The following DSC3 variants were observed in gnomAD, a reference collection of about 807,000 sequenced individuals.
DSC3 encodes desmocollin-3.
Under a neutral mutation model 89.5 loss-of-function variants are expected in DSC3, and 97 were observed. The ratio of observed to expected loss-of-function variants is 1.08; its 90% confidence interval spans 0.92 to 1.28. DSC3 has a LOEUF of 1.28. Ranked by LOEUF, DSC3 falls within the 50% of genes most tolerant of loss-of-function variation. The pLI, the probability that DSC3 is intolerant of heterozygous loss-of-function variation, is 0.00. For missense variants in DSC3, 1,199 were observed against 1,085.3 expected (o/e 1.10, Z -1.47); for synonymous variants, 436 against 384.1 (o/e 1.14, Z -1.58).
intron 9 of DSC3, among the ~76,000 whole-genome samples, chr18:31,010,361 T>C (rs1985017544): frequency 6.6e-6 from 1 of 152,126 alleles, no homozygotes; most frequent in African/African-American, 2.4e-5. Context: ...CTGCTGGCAA[T>C]GAGAAATGGA....
intron 12 of DSC3, among the ~76,000 whole-genome samples, chr18:31,005,858 T>C (rs1457965192): frequency 2.6e-5 from 4 of 152,152 alleles, no homozygotes; most frequent in African/African-American, 9.7e-5. Flanking sequence ...AGGTGGAGCA[T>C]CTCAGCTGGG....
At chr18:31,020,674 G>A (rs1287001262) in intron 7 of DSC3, among the ~76,000 whole-genome samples, 1 of 152,008 alleles carries the variant, frequency 6.6e-6, no homozygotes, top group African/African-American at 2.4e-5. Flanking sequence ...CAGGTGCCAT[G>A]GCTCATGCCT....
In DSC3 at chr18:31,022,405, T is replaced by G; in HGVS notation, c.873A>C (p.Ser291=). The G allele has an allele frequency of 6.2e-7, 1 of 1,614,086 alleles. No homozygotes were observed. The highest frequency in any genetic ancestry group is 8.5e-7 in the Non-Finnish European group (1 of 1,179,982). Residue 291 remains serine, a synonymous_variant, in exon 7 of 16, where the codon TCA becomes TCC. Transcript: ENST00000360428. ...TGGGATGCACAGAAAAGAGCCCAGGTGACCTTGGTGTCTGCTGCAAAATGC... is the reference window on the plus strand; with the variant it reads ...TGGGATGCACAGAAAAGAGCCCAGGGGACCTTGGTGTCTGCTGCAAAATGC... The part of the protein sequence containing the change: ...KYSILQQTPR[S]PGLFSVHPST...
Position 31,008,414 on chromosome 18 carries a change from TAA to T in DSC3, c.1373_1374del (p.Val458AspfsTer9). 1 of 1,614,174 alleles carries T rather than the reference TAA, an allele frequency of 6.2e-7. No individual in the cohort carries two copies. The highest frequency in any genetic ancestry group is 1.1e-5 in the South Asian group (1 of 91,088). ...TCATCCAGATCCCTCACATGAACTG[TAA>T]CCAAGGCTCTGTTCAAGGCTGTCAC... ...PRVTALNRAL[V>X]TVHVRDLDEG... On this transcript the variant is annotated frameshift_variant, in exon 10 of 16. Transcript: ENST00000360428. LOFTEE classifies it high-confidence loss of function.
intron 13 of DSC3, among the ~76,000 whole-genome samples, chr18:31,003,717 TATACCCAAGAAG>T (rs1984741199): frequency 6.6e-6 from 1 of 152,142 alleles, no homozygotes; most frequent in African/African-American, 2.4e-5. Flanking sequence ...ATTGGCAAGA[TATACCCAAGAAG>T]AGACATTGCT....
intron 9 of DSC3, among the ~76,000 whole-genome samples, chr18:31,011,492 A>G (rs1247568142): frequency 2.6e-5 from 4 of 152,220 alleles, no homozygotes; most frequent in Non-Finnish European, 5.9e-5. Context: ...TTCCCTGGAT[A>G]TAATTCTGAC....
At chr18:31,011,922 C>CA (rs756248774) in intron 9 of DSC3, among the ~76,000 whole-genome samples, 678 of 11,690 alleles carry the variant, frequency 0.058, 4 homozygotes, top group Non-Finnish European at 0.086. Flanking sequence ...CAGCAAATTC[C>CA]AAAAAAAAGA....
At chr18:30,997,435 A>T (rs1312945337) in intron 14 of DSC3, among the ~76,000 whole-genome samples, 1 of 152,138 alleles carries the variant, frequency 6.6e-6, no homozygotes, top group Non-Finnish European at 1.5e-5. Context: ...TTGCTTTTAC[A>T]ATAAGCTTTC....
rs1324849006 is a variant in DSC3 at position 30,993,373 on chromosome 18, A to C, written c.*802T>G. On this transcript the variant is annotated 3_prime_UTR_variant, in exon 16 of 16. Transcript: ENST00000360428. ...ATTTCCTTCCCACAGAAACCAGAAAAGTTTAATTTATTTACAATTTTAAAC... is the reference window on the plus strand; with the variant it reads ...ATTTCCTTCCCACAGAAACCAGAAACGTTTAATTTATTTACAATTTTAAAC... 6.6e-6 allele frequency: 1 copy of C among 152,178 alleles called. No individual in the cohort carries two copies. Among genetic ancestry groups the C allele is most frequent in the Non-Finnish European group, 1.5e-5 (1 of 68,036 alleles). 9.4% of individuals were successfully genotyped at this position (152,178 alleles called of 1,614,324 possible).
At position 31,025,753 on chromosome 18, in the gene DSC3, G is replaced by A; in HGVS notation, c.630+7C>T. 6.2e-7 allele frequency: 1 copy of A among 1,612,308 alleles called. No individual in the cohort carries two copies. The highest frequency in any genetic ancestry group is 1.3e-5 in the African/African-American group (1 of 74,934). ...TTTAAAGTCAGGCATATCAATAAAA[G>A]TCCTACATCAAAAACATCATATTCT... On this transcript the variant is annotated splice_region_variant and intron_variant, in intron 5 of 15. Coordinates refer to ENST00000360428, the MANE Select transcript of DSC3 (RefSeq NM_001941.5).
intron 12 of DSC3, among the ~76,000 whole-genome samples, chr18:31,006,285 C>T (rs1394090296): frequency 8.2e-6 from 1 of 122,640 alleles, no homozygotes; most frequent in Non-Finnish European, 1.7e-5. Flanking sequence ...CTCTCCTCAC[C>T]TCGCTGGTAT....
At chr18:31,022,608 C>G in intron 6 of DSC3, 106 bp from the exon 7 acceptor site, 1 of 1,317,566 alleles carries the variant, frequency 7.6e-7, no homozygotes, top group South Asian at 1.2e-5. Flanking sequence ...GAAACCTAAT[C>G]TAAAATGTAT....
chr18:31,028,228 A>G (rs1344355125), intron 4 of DSC3, among the ~76,000 whole-genome samples: 1 of 152,210 alleles, frequency 6.6e-6, no homozygotes, highest in Non-Finnish European at 1.5e-5. Flanking sequence ...GGCTAGGGGG[A>G]TGGATGAGGA....
chr18:31,035,587 T>A (rs573699472), intron 1 of DSC3, among the ~76,000 whole-genome samples: 1 of 151,982 alleles, frequency 6.6e-6, no homozygotes, highest in East Asian at 1.9e-4. Flanking sequence ...AGTTGTTATT[T>A]TTGAATCCCC....
chr18:31,037,519 T>G (rs917168548), intron 1 of DSC3, among the ~76,000 whole-genome samples: 1 of 152,236 alleles, frequency 6.6e-6, no homozygotes, highest in African/African-American at 2.4e-5. Context: ...TTTTTACAGT[T>G]TTGCCATTAA....
intron 9 of DSC3, among the ~76,000 whole-genome samples, chr18:31,015,361 A>G (rs548551459): frequency 6.6e-6 from 1 of 152,324 alleles, no homozygotes; most frequent in African/African-American, 2.4e-5. Flanking sequence ...TCTATGATAT[A>G]GGTTATAACT....
At chr18:31,036,302 T>C (rs1330571470) in intron 1 of DSC3, among the ~76,000 whole-genome samples, 2 of 152,198 alleles carry the variant, frequency 1.3e-5, no homozygotes, top group Non-Finnish European at 2.9e-5. Flanking sequence ...TTATTTGTTG[T>C]GAGATTGACT....
At chr18:31,023,248 T>C (rs1985484767) in intron 6 of DSC3, among the ~76,000 whole-genome samples, 1 of 152,154 alleles carries the variant, frequency 6.6e-6, no homozygotes, top group Non-Finnish European at 1.5e-5. Flanking sequence ...CATAGAATTG[T>C]GAGGCTAAAA....
chr18:31,042,414 C>T (rs887203732), intron 1 of DSC3, among the ~76,000 whole-genome samples, 178 bp downstream of exon 1: 1 of 152,226 alleles, frequency 6.6e-6, no homozygotes, highest in Non-Finnish European at 1.5e-5. Context: ...GACCCGCAAA[C>T]ACACGTTTTC....
Sources: allele counts gnomAD v4.1 joint callset (sites outside exome capture counted in the v4.1 genomes callset), GRCh38; gene constraint gnomAD v4.1.1; transcripts MANE v1.5; gene names NCBI Gene and HGNC (gene_info 2026-07-23, HGNC 2026-07-21).